The following ATP2B2 variants were observed in gnomAD, a reference collection of about 807,000 sequenced individuals.
ATP2B2 encodes ATPase plasma membrane Ca2+ transporting 2.
A neutral mutation model predicts 120.0 loss-of-function variants in ATP2B2; 15 were observed. The observed-to-expected ratio is 0.12, with a 90% CI of 0.08 to 0.19. ATP2B2 has a LOEUF of 0.19. Ranked by LOEUF, ATP2B2 falls within the 10% of genes least tolerant of loss-of-function variation. The pLI, the probability that ATP2B2 is intolerant of heterozygous loss-of-function variation, is 1.00. For missense variants in ATP2B2, 1,045 were observed against 1,719.8 expected (o/e 0.61, Z 6.94); for synonymous variants, 694 against 700.3 (o/e 0.99, Z 0.14).
intron 2 of ATP2B2, among the ~76,000 whole-genome samples, chr3:10,618,766 A>G (rs976914637): frequency 2.0e-5 from 3 of 152,190 alleles, no homozygotes. Context: ...TTGGGAAGAA[A>G]CCATGAAAGA....
intron 2 of ATP2B2, among the ~76,000 whole-genome samples, chr3:10,534,305 T>A (rs1299666485): frequency 6.6e-6 from 1 of 152,228 alleles, no homozygotes; most frequent in Non-Finnish European, 1.5e-5. Flanking sequence ...CAGACCAGCC[T>A]GGGTGGGCTT....
Position 10,474,446 on chromosome 3 carries a change from G to A in ATP2B2, c.-319-24584C>T, listed in dbSNP as rs1440441761. ...TATTTAAAGCCATGGGATGGGATGA[G>A]ATCATCGAGGGACATAGCTCAGCCA... On this transcript the variant is annotated intron_variant, in intron 1 of 22. Coordinates refer to ENST00000360273, the MANE Select transcript of ATP2B2 (RefSeq NM_001001331.4). Among the ~76,000 whole-genome samples the A allele has an allele frequency of 8.5e-5, 13 of 152,160 alleles. 1 individual carries two copies.
chr3:10,609,436 T>C (rs983325057), intron 2 of ATP2B2, among the ~76,000 whole-genome samples: 12 of 152,216 alleles, frequency 7.9e-5, no homozygotes, highest in Non-Finnish European at 1.5e-5. Context: ...CCAAGCCTCC[T>C]CGGCGCGCCT....
At chr3:10,651,760 G>GATGGATGGATAGATGGATGGATGA (rs2070471867) in intron 1 of ATP2B2, among the ~76,000 whole-genome samples, 1 of 151,932 alleles carries the variant, frequency 6.6e-6, no homozygotes, top group African/African-American at 2.4e-5. Context: ...TGGATGGATG[G>GATGGATGGATAGATGGATGGATGA]ATGGATGGAT....
At position 10,347,545 on chromosome 3, in the gene ATP2B2, C is replaced by T. The variant is rs896486047; in HGVS notation, c.2405-1408G>A. 2.6e-5 allele frequency among the ~76,000 whole-genome samples: 4 copies of T among 152,208 alleles called. No individual in the cohort carries two copies. The highest frequency in any genetic ancestry group is 4.8e-5 in the African/African-American group (2 of 41,460). The stretch of plus-strand genomic sequence containing the variant: ...CCTCTTTCAGGCCCAGCTGCAGTGC[C>T]GTGTGTTCTGGGAATCGTTCTGGGC... On this transcript the variant is annotated intron_variant, in intron 16 of 22. Coordinates refer to ENST00000360273, the MANE Select transcript of ATP2B2 (RefSeq NM_001001331.4). The surrounding 1 kb of genome is among the most constrained non-coding windows in gnomAD (Gnocchi z 5.2).
chr3:10,336,039 G>GC, intron 22 of ATP2B2: 2 of 1,427,916 alleles, frequency 1.4e-6, no homozygotes, highest in Non-Finnish European at 1.9e-6. Context: ...GTGACCGGCT[G>GC]CCCCCCATGT....
At chr3:10,339,504 G>C (rs2060216574) in intron 21 of ATP2B2, among the ~76,000 whole-genome samples, 1 of 152,190 alleles carries the variant, frequency 6.6e-6, no homozygotes, top group Non-Finnish European at 1.5e-5. Flanking sequence ...TGGGTCAGGA[G>C]CCTTTGGGCT....
chr3:10,576,823 G>C (rs2068259901), intron 2 of ATP2B2, among the ~76,000 whole-genome samples: 1 of 152,100 alleles, frequency 6.6e-6, no homozygotes, highest in Non-Finnish European at 1.5e-5. Flanking sequence ...CCAGCACTTT[G>C]GGAGGCCAAG....
intron 3 of ATP2B2, among the ~76,000 whole-genome samples, 176 bp downstream of exon 3, chr3:10,410,442 T>C (rs2062569249): frequency 6.6e-6 from 1 of 152,256 alleles, no homozygotes; most frequent in African/African-American, 2.4e-5. Flanking sequence ...AAAACGGGGC[T>C]GAGGCCTGGC....
intron 1 of ATP2B2, among the ~76,000 whole-genome samples, chr3:10,675,343 C>G (rs1018288118): frequency 1.3e-4 from 20 of 152,200 alleles, no homozygotes; most frequent in Admixed American, 2.6e-4. Context: ...AATCGTTGAC[C>G]ACGTTCCCTT....
chr3:10,521,871 C>A (rs1395999603), intron 3 of ATP2B2, among the ~76,000 whole-genome samples: 1 of 151,822 alleles, frequency 6.6e-6, no homozygotes, highest in Non-Finnish European at 1.5e-5. Context: ...TTACAGCAAC[C>A]CTGCTAGGGA....
rs73131265 is a variant in ATP2B2 at position 10,387,676 on chromosome 3, C to T, written c.907+601G>A. Among the ~76,000 whole-genome samples, 462 of 152,202 alleles carry T rather than the reference C, an allele frequency of 3.0e-3. 4 individuals are homozygous for T. The highest frequency in any genetic ancestry group is 0.01 in the African/African-American group (435 of 41,502). On this transcript the variant is annotated intron_variant, in intron 6 of 22. Coordinates refer to ENST00000360273, the MANE Select transcript of ATP2B2 (RefSeq NM_001001331.4). ...ACAGTTTTAGCCTGGGTGGTCAGCT[C>T]GCTGCATTGAGGAGAGCCCAGTGAA...
chr3:10,557,894 C>T (rs749161490), intron 2 of ATP2B2, among the ~76,000 whole-genome samples: 2 of 151,876 alleles, frequency 1.3e-5, no homozygotes, highest in Non-Finnish European at 2.9e-5. Flanking sequence ...AGGGCAAACT[C>T]GAAGATCAAG....
At chr3:10,412,942 C>G (rs1048933138) in intron 2 of ATP2B2, among the ~76,000 whole-genome samples, 7 of 152,194 alleles carry the variant, frequency 4.6e-5, no homozygotes, top group Admixed American at 1.3e-4. Flanking sequence ...GGGGCACACA[C>G]CCCTCATCAA....
chr3:10,616,368 CAAAG>C (rs2125616690), intron 2 of ATP2B2, among the ~76,000 whole-genome samples: 1 of 152,220 alleles, frequency 6.6e-6, no homozygotes, highest in Non-Finnish European at 1.5e-5. Context: ...GTCTAGGAGC[CAAAG>C]AGAGAGGACT....
At chr3:10,640,536 A>G (rs768034534) in intron 1 of ATP2B2, among the ~76,000 whole-genome samples, 2 of 152,204 alleles carry the variant, frequency 1.3e-5, no homozygotes, top group Non-Finnish European at 2.9e-5. Flanking sequence ...GGAGAAGTGC[A>G]GGCATTGTGA....
intron 2 of ATP2B2, among the ~76,000 whole-genome samples, chr3:10,420,362 T>G (rs1165257789): frequency 4.2e-5 from 2 of 47,256 alleles, no homozygotes; most frequent in South Asian, 8.7e-4. Context: ...TTGGTTTCAC[T>G]TTTTTTTTTT....
chr3:10,613,191 T>C (rs530691864), intron 2 of ATP2B2, among the ~76,000 whole-genome samples: 5 of 152,242 alleles, frequency 3.3e-5, no homozygotes, highest in Non-Finnish European at 7.3e-5. Context: ...GGAGGTGATG[T>C]GCCTTGATTT....
intron 2 of ATP2B2, among the ~76,000 whole-genome samples, chr3:10,419,012 G>A (rs763994559): frequency 7.2e-5 from 11 of 152,230 alleles, no homozygotes; most frequent in Non-Finnish European, 1.6e-4. Flanking sequence ...CTCAGCCCTG[G>A]GTTCAAATCC....
Sources: allele counts gnomAD v4.1 joint callset (sites outside exome capture counted in the v4.1 genomes callset), GRCh38; gene constraint gnomAD v4.1.1; non-coding constraint Gnocchi (gnomAD v3.1); transcripts MANE v1.5; gene names NCBI Gene and HGNC (gene_info 2026-07-23, HGNC 2026-07-21).